IGF1: variants seen among roughly 807,000 people sequenced by gnomAD.
IGF1 encodes the protein insulin like growth factor 1, also known as insulin-like growth factor 1.
Under a neutral mutation model 13.8 loss-of-function variants are expected in IGF1, and 4 were observed. That is an observed-to-expected ratio of 0.29 (90% CI 0.14 to 0.66). The LOEUF is 0.66. IGF1 is among the 30% of genes least tolerant of loss of function. The pLI is 0.78. For missense variants in IGF1, 124 were observed against 188.5 expected (o/e 0.66, Z 2.00); for synonymous variants, 76 against 72.6 (o/e 1.05, Z -0.23).
chr12:102,470,296 A>C (rs17883650), intron 2 of IGF1, among the ~76,000 whole-genome samples: 169 of 152,352 alleles, frequency 1.1e-3, no homozygotes, highest in African/African-American at 3.9e-3. Flanking sequence ...AGTGTTTGGC[A>C]ATAGAGGCCA....
At chr12:102,479,350 C>A (rs1881266725) in intron 1 of IGF1, among the ~76,000 whole-genome samples, 1 of 152,114 alleles carries the variant, frequency 6.6e-6, no homozygotes, top group South Asian at 2.1e-4. Context: ...TGAATTGAGC[C>A]CTCAGGCAAT....
intron 2 of IGF1, among the ~76,000 whole-genome samples, chr12:102,460,893 A>G (rs1879846257): frequency 6.6e-6 from 1 of 152,210 alleles, no homozygotes; most frequent in African/African-American, 2.4e-5. Flanking sequence ...AGTTCAAGTA[A>G]AAGATGTGTG....
intron 2 of IGF1, among the ~76,000 whole-genome samples, chr12:102,422,188 G>C (rs376996643): frequency 2.6e-5 from 4 of 152,220 alleles, no homozygotes; most frequent in South Asian, 4.1e-4. Context: ...GGACTTTTCT[G>C]CAATGTTCCA....
intron 3 of IGF1, among the ~76,000 whole-genome samples, chr12:102,413,540 TTTTG>T (rs1305415624): frequency 6.6e-6 from 1 of 152,126 alleles, no homozygotes; most frequent in Non-Finnish European, 1.5e-5. Flanking sequence ...CTGTGTGAGG[TTTTG>T]TTTGTTTTCA....
chr12:102,427,416 A>G (rs2137032232), intron 2 of IGF1, among the ~76,000 whole-genome samples: 1 of 152,342 alleles, frequency 6.6e-6, no homozygotes, highest in Non-Finnish European at 1.5e-5. Flanking sequence ...AGAAAGATGA[A>G]TCAGCCAAAG....
intron 2 of IGF1, among the ~76,000 whole-genome samples, chr12:102,441,957 T>TCTTCTTCTTCTTC (rs71438463): frequency 5.3e-4 from 72 of 134,584 alleles, no homozygotes; most frequent in African/African-American, 8.5e-4. Context: ...TTCTTCTTCT[T>TCTTCTTCTTCTTC]TTTTTTTTTT....
chr12:102,467,425 C>G (rs1054421755), intron 2 of IGF1, among the ~76,000 whole-genome samples: 1 of 152,164 alleles, frequency 6.6e-6, no homozygotes, highest in Non-Finnish European at 1.5e-5. Flanking sequence ...TTCAGATTTT[C>G]CAGGAGCGCA....
At chr12:102,422,631 C>G (rs902997310) in intron 2 of IGF1, among the ~76,000 whole-genome samples, 1 of 152,128 alleles carries the variant, frequency 6.6e-6, no homozygotes, top group African/African-American at 2.4e-5. Flanking sequence ...AGGTAGAGGC[C>G]TGATACAATG....
At chr12:102,468,942 G>A (rs972617208) in intron 2 of IGF1, among the ~76,000 whole-genome samples, 1 of 152,208 alleles carries the variant, frequency 6.6e-6, no homozygotes, top group African/African-American at 2.4e-5. Flanking sequence ...GATGAAGTCA[G>A]CTCTAATGGA....
At chr12:102,423,290 A>T (rs1462010044) in intron 2 of IGF1, 5 of 85,862 alleles carry the variant, frequency 5.8e-5, no homozygotes, top group African/African-American at 2.1e-4. Flanking sequence ...AAAAAAAAAG[A>T]CCGGTGCCTG....
Position 102,480,322 on chromosome 12 carries a change from C to A in IGF1, c.60G>T (p.Leu20Phe), listed in dbSNP as rs1237646173. 1 of 1,613,068 alleles carries A rather than the reference C, an allele frequency of 6.2e-7. No individual in the cohort carries two copies. Among genetic ancestry groups the A allele is most frequent in the East Asian group, 2.2e-5 (1 of 44,858 alleles). ...TCAAAGAGTAAGAAATATTTACCTT[C>A]AAGAAATCACAAAAGCAGCACTTAA... ...QLFKCCFCDFLKVKMHTMSSS... is the reference protein window; with the variant it reads ...QLFKCCFCDFFKVKMHTMSSS... Residue 20 changes from leucine to phenylalanine, a missense_variant, in exon 1 of 4, where the codon TTG becomes TTT. This residue lies in a region of IGF1 where 99 missense variants were observed against 171.4 expected (regional missense o/e 0.58). Coordinates refer to ENST00000337514, the MANE Select transcript of IGF1 (RefSeq NM_000618.5).
intron 3 of IGF1, among the ~76,000 whole-genome samples, chr12:102,403,932 C>T (rs1873907454): frequency 6.6e-6 from 1 of 151,914 alleles, no homozygotes; most frequent in Admixed American, 6.6e-5. Context: ...TATGAGGGAC[C>T]CCCTTGTGAT....
rs1477475909 is a variant in IGF1, at chr12:102,402,359, A to C, written c.*148T>G. ...TCCTAAAGACAATGTTGGAATGTTT[A>C]CTTGTGTATTTCATTGGGGGAAACG... On this transcript the variant is annotated 3_prime_UTR_variant, in exon 4 of 4. Coordinates refer to ENST00000337514, the MANE Select transcript of IGF1 (RefSeq NM_000618.5). The C allele has an allele frequency of 4.1e-5, 31 of 752,788 alleles. No homozygotes were observed. Among genetic ancestry groups the C allele is most frequent in the Non-Finnish European group, 6.4e-5 (26 of 404,666 alleles). 46.6% of individuals were successfully genotyped at this position (752,788 alleles called of 1,614,324 possible). A position where few individuals can be genotyped will look rare whatever the true frequency, so the allele number is the denominator to read the frequency against.
intron 3 of IGF1, among the ~76,000 whole-genome samples, chr12:102,413,829 A>T (rs925360026): frequency 6.6e-6 from 1 of 152,170 alleles, no homozygotes; most frequent in Non-Finnish European, 1.5e-5. Context: ...AAACAGAAGC[A>T]ATGGCTCTCA....
chr12:102,469,284 A>T (rs924366136), intron 2 of IGF1, among the ~76,000 whole-genome samples: 1 of 152,156 alleles, frequency 6.6e-6, no homozygotes, highest in Non-Finnish European at 1.5e-5. Context: ...ATTAAACAGC[A>T]TTTTTTTAGT....
chr12:102,438,727 C>T (rs537485024), intron 2 of IGF1, among the ~76,000 whole-genome samples: 1 of 152,212 alleles, frequency 6.6e-6, no homozygotes, highest in South Asian at 2.1e-4. Flanking sequence ...GTGAACACCC[C>T]AGAAAAAGTT....
chr12:102,399,139 G>GTGTC lies in IGF1; in HGVS notation c.*3367_*3368insGACA, dbSNP rs1873474820. On this transcript the variant is annotated 3_prime_UTR_variant, in exon 4 of 4. Coordinates refer to ENST00000337514, the MANE Select transcript of IGF1 (RefSeq NM_000618.5). Reference sequence around the variant, plus strand: ...TGTGTGTGTGTGTGTGTGTGTGTGTGTGTGTGTCTGTGTATGTAGGGTGGG... The same window carrying GTGTC: ...TGTGTGTGTGTGTGTGTGTGTGTGTGTGTCTGTGTGTCTGTGTATGTAGGGTGGG... The GTGTC allele has an allele frequency of 3.9e-5, 6 of 152,734 alleles. No individual in the cohort carries two copies. The South Asian group carries it at 1.3e-3, about 32-fold the overall frequency. The allele number at this position is 152,734 out of a possible 1,614,324, so 9.5% of individuals were successfully genotyped here.
intron 2 of IGF1, among the ~76,000 whole-genome samples, chr12:102,450,395 G>A (rs1312728025): frequency 1.3e-5 from 2 of 152,368 alleles, no homozygotes; most frequent in East Asian, 3.9e-4. Flanking sequence ...TCTTTGTGAA[G>A]CATCTCTTGC....
At chr12:102,408,418 G>A (rs904362787) in intron 3 of IGF1, among the ~76,000 whole-genome samples, 1 of 152,186 alleles carries the variant, frequency 6.6e-6, no homozygotes, top group African/African-American at 2.4e-5. Flanking sequence ...GATCTACTCA[G>A]CACTTTGGGA....
Sources: allele counts gnomAD v4.1 joint callset (sites outside exome capture counted in the v4.1 genomes callset), GRCh38; gene constraint gnomAD v4.1.1; regional missense constraint gnomAD v4.1.1; transcripts MANE v1.5; gene names NCBI Gene and HGNC (gene_info 2026-07-23, HGNC 2026-07-21).